The following KLHL29 variants were observed in gnomAD, a reference collection of about 807,000 sequenced individuals.
The protein encoded by KLHL29 is kelch like family member 29.
KLHL29 carries 21 observed loss-of-function variants against 80.4 expected under a neutral mutation model. The ratio of observed to expected loss-of-function variants is 0.26; its 90% CI spans 0.19 to 0.38. The LOEUF (loss-of-function observed/expected upper bound fraction) is 0.38, where lower values mean the gene tolerates loss of function less well. KLHL29 is among the 10% of genes least tolerant of loss of function. The pLI is 1.00. For missense variants in KLHL29, 867 were observed against 1,223.9 expected, an observed-to-expected ratio of 0.71 and a Z score of 4.35; for synonymous variants, 511 against 526.8, an observed-to-expected ratio of 0.97 and a Z score of 0.41.
chr2:23,585,183 G>C (rs563486478), intron 3 of KLHL29, among the ~76,000 whole-genome samples: 15 of 152,270 alleles, frequency 9.9e-5, no homozygotes, highest in South Asian at 2.1e-4. Flanking sequence ...GTGACTGCTC[G>C]CCAAGAAACC....
At position 23,696,146 on chromosome 2, in the gene KLHL29, G is replaced by A. The variant is rs542157919; in HGVS notation, c.1924+13G>A. 9.2e-5 allele frequency: 142 copies of A among 1,549,244 alleles called. 1 individual carries two copies. The South Asian group carries it at 1.1e-3, about 12-fold the overall frequency. On this transcript the variant is annotated intron_variant, in intron 10 of 13. Coordinates refer to ENST00000486442, the MANE Select transcript of KLHL29 (RefSeq NM_052920.2). This position sits in a 1 kb window ranked among gnomAD's most constrained non-coding sequence, Gnocchi z 5.5. ...ATCTACCTCTCAGGTGAGGCCCCCC[G>A]GGGTTGGGGCGGGACCAGGCATGGG... is the stretch of plus-strand genomic sequence containing the variant.
rs751592288 is a variant in KLHL29, at chr2:23,562,353, C to T, written c.157C>T (p.Leu53Phe). ...CAGCAGCCTCAGCGTCCGGCCCGGC[C>T]TCCTGCCGCTGCCCGTGGTGCCCTC... ...TASSLSVRPGLLPLPVVPSRL... is the reference protein window; with the variant it reads ...TASSLSVRPGFLPLPVVPSRL... Residue 53 changes from leucine to phenylalanine, a missense_variant, in exon 3 of 14, where the codon CTC becomes TTC. Transcript: ENST00000486442. The surrounding 1 kb of genome is among the most constrained non-coding windows in gnomAD (Gnocchi z 4.5). 3 of 1,542,976 alleles carry T rather than the reference C, an allele frequency of 1.9e-6. No homozygotes were observed. Among genetic ancestry groups the T allele is most frequent in the Non-Finnish European group, 2.6e-6 (3 of 1,145,280 alleles).
chr2:23,618,996 A>C (rs1256784691), intron 3 of KLHL29, among the ~76,000 whole-genome samples: 1 of 152,242 alleles, frequency 6.6e-6, no homozygotes, highest in Admixed American at 6.5e-5. Flanking sequence ...CTTTACAGGC[A>C]GATGCTGGTC....
intron 3 of KLHL29, among the ~76,000 whole-genome samples, chr2:23,606,078 C>G (rs1429246052): frequency 1.3e-5 from 2 of 151,774 alleles, no homozygotes; most frequent in African/African-American, 4.8e-5. Context: ...CAAGGGAAAA[C>G]CTGTCTTAAA....
At chr2:23,636,384 G>A (rs1669609472) in intron 3 of KLHL29, among the ~76,000 whole-genome samples, 2 of 148,800 alleles carry the variant, frequency 1.3e-5, no homozygotes, top group Admixed American at 6.7e-5. Flanking sequence ...GTAGCCTTAT[G>A]TATCTACCCT....
chr2:23,587,502 T>TC (rs1390996188), intron 3 of KLHL29, among the ~76,000 whole-genome samples: 1 of 151,442 alleles, frequency 6.6e-6, no homozygotes, highest in Non-Finnish European at 1.5e-5. Flanking sequence ...GCTACCCGAG[T>TC]CCCCCCTCCA....
chr2:23,616,978 G>A (rs879184735), intron 3 of KLHL29: 4 of 152,244 alleles, frequency 2.6e-5, no homozygotes, highest in Admixed American at 6.5e-5. Flanking sequence ...GTATCGCAGC[G>A]TGTTTGCCCA....
intron 1 of KLHL29, among the ~76,000 whole-genome samples, chr2:23,401,613 G>A (rs753387290): frequency 2.6e-5 from 4 of 152,202 alleles, no homozygotes; most frequent in Admixed American, 6.5e-5. Flanking sequence ...AGGGCCTGAC[G>A]CGTTATGCCC....
rs1211843508 is a variant in KLHL29 at position 23,562,307 on chromosome 2, G to A, written c.111G>A (p.Ser37=). 5.2e-6 allele frequency: 8 copies of A among 1,545,364 alleles called. No homozygotes were observed. Among genetic ancestry groups the A allele is most frequent in the Non-Finnish European group, 6.1e-6 (7 of 1,143,850 alleles). Residue 37 remains serine (S), a synonymous_variant, in exon 3 of 14, where the codon TCG becomes TCA. Coordinates refer to ENST00000486442, the MANE Select transcript of KLHL29 (RefSeq NM_052920.2). This position sits in a 1 kb window ranked among gnomAD's most constrained non-coding sequence, Gnocchi z 4.5. ...CCACCAGCATCTGCAGTGTCACCTC[G>A]GGGGCCGGTGGCGGCACAGCCAGCA... ...HGTTSICSVT[S]GAGGGTASSL...
chr2:23,414,662 A>G (rs1572493703), intron 1 of KLHL29, among the ~76,000 whole-genome samples: 1 of 152,178 alleles, frequency 6.6e-6, no homozygotes, highest in Admixed American at 6.5e-5. Flanking sequence ...GTGACCCATG[A>G]TGGGGCTTCT....
At chr2:23,474,219 C>G (rs1448461902) in intron 1 of KLHL29, among the ~76,000 whole-genome samples, 1 of 152,124 alleles carries the variant, frequency 6.6e-6, no homozygotes, top group African/African-American at 2.4e-5. Flanking sequence ...TTCCCAGTGC[C>G]TTGAACATAC....
chr2:23,686,890 C>T (rs1671285653), intron 6 of KLHL29, among the ~76,000 whole-genome samples: 1 of 152,130 alleles, frequency 6.6e-6, no homozygotes, highest in African/African-American at 2.4e-5. Flanking sequence ...TCGCCGTGTT[C>T]GTTTGCAGCC....
At chr2:23,408,343 G>A (rs1666783693) in intron 1 of KLHL29, among the ~76,000 whole-genome samples, 1 of 129,184 alleles carries the variant, frequency 7.7e-6, no homozygotes, top group South Asian at 2.6e-4. Flanking sequence ...AATTCGATGA[G>A]ATCCGTAAAT....
At chr2:23,505,184 G>T (rs1665563032) in intron 2 of KLHL29, among the ~76,000 whole-genome samples, 1 of 152,150 alleles carries the variant, frequency 6.6e-6, no homozygotes, top group Admixed American at 6.5e-5. Context: ...CTGCTGCTAG[G>T]GGCCTTTGCA....
At chr2:23,607,631 G>A (rs1668760403) in intron 3 of KLHL29, among the ~76,000 whole-genome samples, 1 of 152,166 alleles carries the variant, frequency 6.6e-6, no homozygotes, top group African/African-American at 2.4e-5. Context: ...GCAGGTGAGT[G>A]GCAGGCAAGC....
At chr2:23,396,347 A>G (rs765469630) in intron 1 of KLHL29, among the ~76,000 whole-genome samples, 16 of 152,188 alleles carry the variant, frequency 1.1e-4, no homozygotes, top group Non-Finnish European at 1.5e-4. Context: ...CCTGAGGCCA[A>G]TTTGTTGCAA....
chr2:23,475,315 C>G lies in KLHL29; in HGVS notation c.-153-245C>G, dbSNP rs370666217. Among the ~76,000 whole-genome samples the G allele has an allele frequency of 4.4e-5, 6 of 137,900 alleles. No homozygotes were observed. The East Asian group carries it at 1.3e-3, about 29-fold the overall frequency. The allele number at this position is 137,900 out of a possible 152,430, so 90.5% of individuals were successfully genotyped here. The stretch of plus-strand genomic sequence containing the variant: ...CCTCATATCTGCCACTCGGAGTACT[C>G]TGCTACCCACTTCGCCCCACTTTGC... On this transcript the variant is annotated intron_variant, in intron 1 of 13. Transcript: ENST00000486442.
intron 3 of KLHL29, among the ~76,000 whole-genome samples, chr2:23,629,906 G>T (rs1038536800): frequency 1.3e-5 from 2 of 152,202 alleles, no homozygotes; most frequent in African/African-American, 4.8e-5. Flanking sequence ...CCATGCTTGA[G>T]ATCCGAGGAG....
chr2:23,682,104 C>G lies in KLHL29; in HGVS notation c.941-2295C>G, dbSNP rs1671100596. ...CCCTCCAAAAACCTGTTAGTGGTCT[C>G]CATGCCTCCCCCTCCCCACTTCCTT... On this transcript the variant is annotated intron_variant, in intron 5 of 13. Transcript: ENST00000486442. The surrounding 1 kb of genome is among the most constrained non-coding windows in gnomAD (Gnocchi z 4.1). 6.6e-6 allele frequency among the ~76,000 whole-genome samples: 1 copy of G among 152,140 alleles called. No homozygotes were observed. Among genetic ancestry groups the G allele is most frequent in the African/African-American group, 2.4e-5 (1 of 41,418 alleles).
Sources: gnomAD v4.1 joint callset for allele counts (sites outside exome capture counted in the v4.1 genomes callset) on GRCh38, gnomAD v4.1.1 for gene constraint, Gnocchi (gnomAD v3.1) non-coding constraint, MANE v1.5 for transcripts, NCBI Gene and HGNC (gene_info 2026-07-23, HGNC 2026-07-21) for gene names.